Variants in PLCB4 observed in about 807,000 individuals in gnomAD.
The protein encoded by PLCB4 is 1-phosphatidylinositol 4,5-bisphosphate phosphodiesterase beta-4.
Under a neutral mutation model 178.8 loss-of-function variants are expected in PLCB4, and 77 were observed. The ratio of observed to expected loss-of-function variants is 0.43; its 90% CI spans 0.36 to 0.52. The LOEUF (loss-of-function observed/expected upper bound fraction) is 0.52, where lower values mean the gene tolerates loss of function less well. PLCB4 is among the 20% of genes least tolerant of loss of function. The pLI is 0.00. For missense variants in PLCB4, 1,024 were observed against 1,453.4 expected (o/e 0.70, Z 4.80); for synonymous variants, 496 against 490.8 (o/e 1.01, Z -0.14).
At chr20:9,230,050 G>T (rs11696505) in intron 3 of PLCB4, among the ~76,000 whole-genome samples, 1,581 of 152,238 alleles carry the variant, frequency 0.01, 12 homozygotes, top group Non-Finnish European at 0.018. Context: ...CAAGATCAAG[G>T]TGTTGGCAGG....
intron 28 of PLCB4, among the ~76,000 whole-genome samples, chr20:9,434,029 C>T (rs1602677325): frequency 6.6e-6 from 1 of 152,130 alleles, no homozygotes; most frequent in Non-Finnish European, 1.5e-5. Context: ...AAGACATTCA[C>T]TACAATACTT....
chr20:9,404,081 T>C (rs1452703862), intron 20 of PLCB4, among the ~76,000 whole-genome samples: 1 of 152,170 alleles, frequency 6.6e-6, no homozygotes, highest in African/African-American at 2.4e-5. Flanking sequence ...GAGTGTTTTC[T>C]TTTTCGGATG....
At chr20:9,433,441 C>T (rs187685176) in intron 28 of PLCB4, among the ~76,000 whole-genome samples, 31 of 152,208 alleles carry the variant, frequency 2.0e-4, no homozygotes, top group Admixed American at 9.8e-4. Flanking sequence ...TAAAGAATTA[C>T]GCCAATTTTG....
At chr20:9,144,992 A>T (rs1029563286) in intron 2 of PLCB4, among the ~76,000 whole-genome samples, 6 of 152,092 alleles carry the variant, frequency 3.9e-5, no homozygotes, top group Non-Finnish European at 7.4e-5. Context: ...TCAGTCTGGG[A>T]TCCAAAGCCA....
intron 33 of PLCB4, among the ~76,000 whole-genome samples, chr20:9,456,621 T>A (rs1338141846): frequency 6.6e-6 from 1 of 152,214 alleles, no homozygotes; most frequent in Non-Finnish European, 1.5e-5. Context: ...GTCACGGGAA[T>A]GTTTCGGCAG....
intron 3 of PLCB4, among the ~76,000 whole-genome samples, chr20:9,304,908 T>G (rs1406724075): frequency 1.3e-5 from 2 of 151,914 alleles, no homozygotes; most frequent in Non-Finnish European, 2.9e-5. Context: ...TAATTATACT[T>G]TAAGTTTTAG....
intron 16 of PLCB4, 21 bp from the exon 17 acceptor site, chr20:9,390,510 A>G: frequency 1.5e-6 from 2 of 1,305,962 alleles, no homozygotes; most frequent in Non-Finnish European, 2.2e-6. Context: ...GAATTTACAA[A>G]TGCCACTTTT....
At chr20:9,089,907 G>A (rs1372360815) in intron 1 of PLCB4, among the ~76,000 whole-genome samples, 5 of 152,100 alleles carry the variant, frequency 3.3e-5, no homozygotes, top group Non-Finnish European at 1.5e-5. Context: ...TATGATGGTG[G>A]GGTTAAATGC....
At chr20:9,233,204 A>T (rs541946084) in intron 3 of PLCB4, among the ~76,000 whole-genome samples, 46 of 152,252 alleles carry the variant, frequency 3.0e-4, no homozygotes, top group African/African-American at 9.9e-4. Flanking sequence ...TTAATGTTAA[A>T]TGATAATGAT....
chr20:9,244,752 C>T (rs2094106553), intron 3 of PLCB4, among the ~76,000 whole-genome samples: 1 of 152,142 alleles, frequency 6.6e-6, no homozygotes, highest in African/African-American at 2.4e-5. Context: ...TTTGAATTTG[C>T]AATAAATAGT....
At chr20:9,391,178 G>T (rs2179321) in intron 17 of PLCB4, among the ~76,000 whole-genome samples, 93,148 of 152,062 alleles carry the variant, frequency 0.61, 31,200 homozygotes, top group African/African-American at 0.91. Flanking sequence ...TGAACTTCAT[G>T]TTAAACCTGC....
At chr20:9,285,370 T>C (rs2094528379) in intron 3 of PLCB4, among the ~76,000 whole-genome samples, 1 of 151,912 alleles carries the variant, frequency 6.6e-6, no homozygotes, top group Admixed American at 6.6e-5. Flanking sequence ...AAGAAAAAAT[T>C]AAATTATCAT....
intron 2 of PLCB4, among the ~76,000 whole-genome samples, chr20:9,163,112 G>C (rs538705454): frequency 6.6e-6 from 1 of 152,166 alleles, no homozygotes; most frequent in Non-Finnish European, 1.5e-5. Flanking sequence ...GAGATTGGAA[G>C]GGGAGCAGTG....
At chr20:9,297,757 G>A (rs1294513712) in intron 3 of PLCB4, among the ~76,000 whole-genome samples, 1 of 152,052 alleles carries the variant, frequency 6.6e-6, no homozygotes, top group Non-Finnish European at 1.5e-5. Flanking sequence ...GGACAACTAT[G>A]TACTTTTAAT....
At chr20:9,172,549 C>T (rs1005710075) in intron 2 of PLCB4, among the ~76,000 whole-genome samples, 1 of 152,156 alleles carries the variant, frequency 6.6e-6, no homozygotes, top group African/African-American at 2.4e-5. Context: ...ATGTATTAGT[C>T]TTCCCATGTC....
intron 4 of PLCB4, among the ~76,000 whole-genome samples, chr20:9,328,673 G>A (rs1447877719): frequency 2.6e-5 from 4 of 152,180 alleles, no homozygotes; most frequent in Admixed American, 2.6e-4. Context: ...CTCAAAGCAG[G>A]TGTAGCATAT....
At chr20:9,151,954 A>G (rs2092699140) in intron 2 of PLCB4, among the ~76,000 whole-genome samples, 1 of 152,152 alleles carries the variant, frequency 6.6e-6, no homozygotes, top group Non-Finnish European at 1.5e-5. Context: ...ACTTGTTGGG[A>G]ACTGGAGCAA....
At chr20:9,110,572 T>A (rs1046230519) in intron 2 of PLCB4, among the ~76,000 whole-genome samples, 7 of 152,186 alleles carry the variant, frequency 4.6e-5, no homozygotes, top group African/African-American at 1.7e-4. Context: ...TTGCCAGGGC[T>A]GGACTCCTTG....
chr20:9,260,773 T>C (rs2094289415), intron 3 of PLCB4, among the ~76,000 whole-genome samples: 1 of 152,142 alleles, frequency 6.6e-6, no homozygotes, highest in Non-Finnish European at 1.5e-5. Flanking sequence ...AGAATTATGA[T>C]TTTATTTACT....
Sources: gnomAD v4.1 joint callset for allele counts (sites outside exome capture counted in the v4.1 genomes callset) on GRCh38, gnomAD v4.1.1 for gene constraint, MANE v1.5 for transcripts, NCBI Gene and HGNC (gene_info 2026-07-23, HGNC 2026-07-21) for gene names.